Variants in MYRIP observed in about 807,000 individuals in gnomAD.
MYRIP encodes myosin VIIA and Rab interacting protein.
A neutral mutation model predicts 98.0 loss-of-function variants in MYRIP; 49 were observed. The observed-to-expected ratio is 0.50, with a 90% CI of 0.40 to 0.63. The LOEUF is 0.63. Ranked by LOEUF, MYRIP falls within the 30% of genes least tolerant of loss-of-function variation. The probability of loss-of-function intolerance (pLI) is 0.00; values close to 1 mark genes in which losing one functional copy is unlikely to be tolerated. For synonymous variants in MYRIP, 404 were observed against 409.5 expected, an observed-to-expected ratio of 0.99 and a Z score of 0.16; for missense variants, 1,004 against 1,058.2, an observed-to-expected ratio of 0.95 and a Z score of 0.71.
intron 2 of MYRIP, among the ~76,000 whole-genome samples, chr3:39,980,099 T>C (rs923042917): frequency 1.3e-5 from 2 of 152,116 alleles, no homozygotes; most frequent in Non-Finnish European, 2.9e-5. Flanking sequence ...CTAGGTTGGG[T>C]TCTCCAAAAG....
chr3:40,080,791 C>CTTTTTTTTTTTTTTTTTT (rs34610302), intron 3 of MYRIP, among the ~76,000 whole-genome samples: 34 of 93,834 alleles, frequency 3.6e-4, no homozygotes, highest in Non-Finnish European at 4.6e-4. Context: ...ATCCTAACTT[C>CTTTTTTTTTTTTTTTTTT]TTTTTTTTTT....
In MYRIP at chr3:39,999,457, A is replaced by G. The variant is rs551945706; in HGVS notation, c.111-44593A>G. 5.3e-5 allele frequency among the ~76,000 whole-genome samples: 8 copies of G among 152,336 alleles called. No homozygotes were observed. The South Asian group carries it at 1.2e-3, about 24-fold the overall frequency. On this transcript the variant is annotated intron_variant, in intron 2 of 16. Transcript: ENST00000302541. ...CATCACTGGCCATCAGAGAAATGCA[A>G]ATCAAAACCACAATGAGATACCATC...
At chr3:40,021,840 T>C (rs1018779576) in intron 2 of MYRIP, among the ~76,000 whole-genome samples, 17 of 152,194 alleles carry the variant, frequency 1.1e-4, no homozygotes, top group African/African-American at 4.1e-4. Flanking sequence ...TATTCAGAAA[T>C]AAGAATCCTA....
chr3:39,832,299 A>G (rs1020530905), intron 1 of MYRIP, among the ~76,000 whole-genome samples: 1 of 152,212 alleles, frequency 6.6e-6, no homozygotes, highest in Non-Finnish European at 1.5e-5. Context: ...TTATCTTTTC[A>G]GTGGAAATGG....
rs761788892 is a variant in MYRIP at position 40,190,434 on chromosome 3, G to A, written c.1636G>A (p.Ala546Thr). Residue 546 changes from alanine to threonine, a missense_variant, in exon 10 of 17, where the codon GCC (alanine) becomes ACC (threonine). Around this residue, in one of 3 missense-constraint regions of MYRIP, gnomAD observed 880 missense variants for 907.7 expected, o/e 0.97. Transcript: ENST00000302541. ...EPSKEPSSPS[A>T]QLRDLDTHQV... The stretch of plus-strand genomic sequence containing the variant: ...AAGCAAAGAACCATCTTCCCCCAGC[G>A]CCCAGCTCCGGGATCTAGACACACA... 43 of 1,602,824 alleles carry A rather than the reference G, an allele frequency of 2.7e-5. No individual in the cohort carries two copies. The highest frequency in any genetic ancestry group is 5.6e-5 in the South Asian group (5 of 89,642).
rs867514438 is a variant in MYRIP at position 39,979,568 on chromosome 3, G to A, written c.111-64482G>A. 2.5e-4 allele frequency among the ~76,000 whole-genome samples: 38 copies of A among 151,452 alleles called. No individual in the cohort carries two copies. In the East Asian group the frequency reaches 4.3e-3, roughly 17 times the overall value. On this transcript the variant is annotated intron_variant, in intron 2 of 16. Coordinates refer to ENST00000302541, the MANE Select transcript of MYRIP (RefSeq NM_015460.4). ...CAGGAGAATCGCTTGCACCTGGGAG[G>A]AGGAAGTTGCAGTGAGCCAAGATCG... is the stretch of plus-strand genomic sequence containing the variant.
intron 1 of MYRIP, chr3:39,810,402 A>G (rs1274275272): frequency 6.6e-6 from 1 of 152,500 alleles, no homozygotes; most frequent in Non-Finnish European, 1.5e-5. Flanking sequence ...GCTGGTGCTC[A>G]GAGTTAGAAC....
intron 11 of MYRIP, among the ~76,000 whole-genome samples, chr3:40,214,061 C>A (rs932961373): frequency 1.3e-5 from 2 of 152,188 alleles, no homozygotes; most frequent in Non-Finnish European, 2.9e-5. Flanking sequence ...CCACTGTTTC[C>A]TGGGATTGCC....
chr3:40,153,818 C>T (rs1449445835), intron 4 of MYRIP, among the ~76,000 whole-genome samples: 2 of 152,202 alleles, frequency 1.3e-5, no homozygotes, highest in Non-Finnish European at 2.9e-5. Flanking sequence ...AACGTCTTCA[C>T]TATGCGGATC....
intron 2 of MYRIP, among the ~76,000 whole-genome samples, chr3:39,924,764 G>A (rs539990142): frequency 3.9e-5 from 6 of 152,018 alleles, no homozygotes; most frequent in African/African-American, 9.6e-5. Flanking sequence ...ATAATAGAGC[G>A]TGTTCTCTAC....
chr3:40,121,693 G>A (rs1949409190), intron 3 of MYRIP, among the ~76,000 whole-genome samples: 1 of 152,156 alleles, frequency 6.6e-6, no homozygotes, highest in African/African-American at 2.4e-5. Context: ...TTAGGATGAA[G>A]CAAGCAAGGC....
chr3:40,048,843 G>C (rs1328903097), intron 3 of MYRIP, among the ~76,000 whole-genome samples: 1 of 152,086 alleles, frequency 6.6e-6, no homozygotes, highest in Non-Finnish European at 1.5e-5. Context: ...TAGAATGAAT[G>C]ATGAATTACT....
At chr3:40,078,674 G>C (rs1467721178) in intron 3 of MYRIP, among the ~76,000 whole-genome samples, 1 of 152,178 alleles carries the variant, frequency 6.6e-6, no homozygotes, top group African/African-American at 2.4e-5. Context: ...TCAACTGCTG[G>C]TAAGAGAGAC....
At chr3:39,855,385 T>A (rs1942254916) in intron 1 of MYRIP, among the ~76,000 whole-genome samples, 1 of 152,068 alleles carries the variant, frequency 6.6e-6, no homozygotes, top group Admixed American at 6.5e-5. Context: ...TGGGCAATAT[T>A]GTAAAGCTCC....
intron 7 of MYRIP, among the ~76,000 whole-genome samples, chr3:40,167,663 T>C (rs1347437346): frequency 6.6e-6 from 1 of 152,170 alleles, no homozygotes; most frequent in Non-Finnish European, 1.5e-5. Context: ...CTGCCCCTAC[T>C]TCAGACACCA....
intron 2 of MYRIP, among the ~76,000 whole-genome samples, chr3:39,968,259 C>T (rs955289897): frequency 1.3e-5 from 2 of 151,270 alleles, no homozygotes; most frequent in African/African-American, 2.4e-5. Flanking sequence ...AATCTCGGCT[C>T]ACTGCAACCT....
intron 2 of MYRIP, among the ~76,000 whole-genome samples, chr3:40,040,996 AAAAAAAAAAG>A (rs1947507171): frequency 1.6e-5 from 2 of 128,304 alleles, no homozygotes; most frequent in African/African-American, 3.1e-5. Context: ...AAAAAAAAGA[AAAAAAAAAAG>A]AAAATATTAC....
intron 10 of MYRIP, among the ~76,000 whole-genome samples, chr3:40,204,867 G>A (rs531855082): frequency 6.6e-6 from 1 of 152,106 alleles, no homozygotes; most frequent in South Asian, 2.1e-4. Flanking sequence ...TGCTGCCAAT[G>A]TCTAAGACTT....
Position 39,864,438 on chromosome 3 carries a change from C to T in MYRIP, c.-30-36349C>T, listed in dbSNP as rs75971607. Among the ~76,000 whole-genome samples the T allele has an allele frequency of 9.9e-3, 1,505 of 152,188 alleles. 27 individuals carry two copies. The highest frequency in any genetic ancestry group is 0.035 in the African/African-American group (1,443 of 41,538). On this transcript the variant is annotated intron_variant, in intron 1 of 16. Transcript: ENST00000302541. ...AAAAGCTCCTTAATCTGATTAATAACTTTACAATAAAGTTTCAGGATACAA... is the reference window on the plus strand; with the variant it reads ...AAAAGCTCCTTAATCTGATTAATAATTTTACAATAAAGTTTCAGGATACAA...
Sources: gnomAD v4.1 joint callset for allele counts (sites outside exome capture counted in the v4.1 genomes callset) on GRCh38, gnomAD v4.1.1 for gene constraint, gnomAD v4.1.1 regional missense constraint, MANE v1.5 for transcripts, NCBI Gene and HGNC (gene_info 2026-07-23, HGNC 2026-07-21) for gene names.